Variants in CUL3 observed in about 807,000 individuals in gnomAD.
CUL3 encodes the protein cullin 3, also known as cullin-3.
CUL3 carries 19 observed loss-of-function variants against 89.1 expected under a neutral mutation model. That is an observed-to-expected ratio of 0.21 (90% CI 0.15 to 0.31). The LOEUF (loss-of-function observed/expected upper bound fraction) is 0.31, where lower values mean the gene tolerates loss of function less well. CUL3 is among the 10% of genes least tolerant of loss of function. The pLI, the probability that CUL3 is intolerant of heterozygous loss-of-function variation, is 1.00. For missense variants in CUL3, 469 were observed against 942.3 expected, an observed-to-expected ratio of 0.50 and a Z score of 6.58; for synonymous variants, 351 against 308.4, an observed-to-expected ratio of 1.14 and a Z score of -1.45.
intron 3 of CUL3, among the ~76,000 whole-genome samples, chr2:224,522,723 G>A (rs1361215906): frequency 6.6e-6 from 1 of 152,064 alleles, no homozygotes; most frequent in Non-Finnish European, 1.5e-5. Flanking sequence ...AGCTACTTGG[G>A]AGGCTGAGGC....
chr2:224,473,091 C>T lies in CUL3; in HGVS notation c.*1154G>A, dbSNP rs1402550884. The T allele has an allele frequency of 1.5e-5, 3 of 203,372 alleles. No individual in the cohort carries two copies. The highest frequency in any genetic ancestry group is 3.0e-5 in the Non-Finnish European group (3 of 98,838). 12.6% of individuals were successfully genotyped at this position (203,372 alleles called of 1,614,324 possible). ...TGTTTGAAAACGTGAAACGATGACTCTTTGGAGGACAATAGCTAAATATCC... is the reference window on the plus strand; with the variant it reads ...TGTTTGAAAACGTGAAACGATGACTTTTTGGAGGACAATAGCTAAATATCC... On this transcript the variant is annotated 3_prime_UTR_variant, in exon 16 of 16. Transcript: ENST00000264414.
intron 6 of CUL3, among the ~76,000 whole-genome samples, chr2:224,507,852 TAA>T (rs1260461799): frequency 2.6e-5 from 4 of 152,186 alleles, no homozygotes; most frequent in African/African-American, 9.6e-5. Flanking sequence ...ATGATAATTT[TAA>T]AAGTTTTACA....
intron 1 of CUL3, among the ~76,000 whole-genome samples, chr2:224,582,484 T>G (rs977319968): frequency 2.0e-5 from 3 of 152,210 alleles, no homozygotes; most frequent in Non-Finnish European, 4.4e-5. Context: ...CCAATGGGAA[T>G]CACTTAGGAA....
At chr2:224,582,610 A>T (rs189021449) in intron 1 of CUL3, among the ~76,000 whole-genome samples, 1 of 152,356 alleles carries the variant, frequency 6.6e-6, no homozygotes, top group East Asian at 1.9e-4. Context: ...AAAAACCTGC[A>T]AAAGTTATAG....
intron 2 of CUL3, among the ~76,000 whole-genome samples, chr2:224,544,624 A>C (rs1379245978): frequency 6.6e-6 from 1 of 151,890 alleles, no homozygotes; most frequent in African/African-American, 2.4e-5. Context: ...TCACTTTATA[A>C]ATTTTGCCAG....
At chr2:224,545,793 GGAA>G (rs1490220799) in intron 2 of CUL3, among the ~76,000 whole-genome samples, 2 of 151,998 alleles carry the variant, frequency 1.3e-5, no homozygotes, top group Non-Finnish European at 2.9e-5. Flanking sequence ...ATAGCACTAC[GGAA>G]AAGTTACAAA....
chr2:224,516,716 G>A (rs575469847), intron 3 of CUL3, among the ~76,000 whole-genome samples: 3 of 151,822 alleles, frequency 2.0e-5, no homozygotes, highest in South Asian at 2.1e-4. Flanking sequence ...GTGTGATCTC[G>A]GCTCACTGCA....
chr2:224,519,097 A>C lies in CUL3; in HGVS notation c.379-4325T>G, dbSNP rs529546346. 1.9e-3 allele frequency among the ~76,000 whole-genome samples: 294 copies of C among 152,266 alleles called. 2 individuals carry two copies. Among genetic ancestry groups the C allele is most frequent in the South Asian group, 5.4e-3 (26 of 4,820 alleles). On this transcript the variant is annotated intron_variant, in intron 3 of 15. Coordinates refer to ENST00000264414, the MANE Select transcript of CUL3 (RefSeq NM_003590.5). ...AAAATCTGACATCTAAAATTCTCCA[A>C]ACTCTGAAACTCTGAGCATCAACAT...
At chr2:224,520,563 T>C (rs1693224637) in intron 3 of CUL3, among the ~76,000 whole-genome samples, 1 of 152,060 alleles carries the variant, frequency 6.6e-6, no homozygotes, top group Non-Finnish European at 1.5e-5. Context: ...GATAAAAAAA[T>C]ACAAAAGCAC....
intron 4 of CUL3, among the ~76,000 whole-genome samples, chr2:224,514,033 C>G (rs1000585291): frequency 2.0e-5 from 3 of 152,120 alleles, no homozygotes; most frequent in Non-Finnish European, 4.4e-5. Flanking sequence ...CAATGCTGAT[C>G]AAGCACCAAA....
chr2:224,474,172 T>C lies in CUL3; in HGVS notation c.*73A>G. On this transcript the variant is annotated 3_prime_UTR_variant, in exon 16 of 16. Coordinates refer to ENST00000264414, the MANE Select transcript of CUL3 (RefSeq NM_003590.5). ...TAGAAGAGATGGTCGTCTTAATATT[T>C]AATGATTTAAAAGAACTTCCCAGTC... The C allele has an allele frequency of 6.9e-7, 1 of 1,452,326 alleles. No individual in the cohort carries two copies. The highest frequency in any genetic ancestry group is 9.4e-7 in the Non-Finnish European group (1 of 1,065,318). 90.0% of individuals were successfully genotyped at this position (1,452,326 alleles called of 1,614,324 possible). A position where few individuals can be genotyped will look rare whatever the true frequency, so the allele number is the denominator to read the frequency against.
chr2:224,483,785 T>C (rs1691617439), intron 13 of CUL3, among the ~76,000 whole-genome samples: 1 of 152,226 alleles, frequency 6.6e-6, no homozygotes, highest in Non-Finnish European at 1.5e-5. Context: ...AGTGGAGATT[T>C]AGACTGGATC....
In CUL3 at chr2:224,472,052, C is replaced by T. The variant is rs73993899; in HGVS notation, c.*2193G>A. ...TTTATGACCTAAAATAATACTTATG[C>T]AGTCAAACATATAAACATTTTGTGT... On this transcript the variant is annotated 3_prime_UTR_variant, in exon 16 of 16. Coordinates refer to ENST00000264414, the MANE Select transcript of CUL3 (RefSeq NM_003590.5). The T allele has an allele frequency of 0.046, 10,566 of 230,458 alleles. 783 individuals carry two copies. Among genetic ancestry groups the T allele is most frequent in the African/African-American group, 0.17 (7,582 of 45,254 alleles). The allele number at this position is 230,458 out of a possible 1,614,324, so 14.3% of individuals were successfully genotyped here.
chr2:224,526,551 A>T lies in CUL3; in HGVS notation c.378+8977T>A, dbSNP rs181301325. 3.7e-3 allele frequency among the ~76,000 whole-genome samples: 523 copies of T among 140,262 alleles called. 5 individuals are homozygous for T. Among genetic ancestry groups the T allele is most frequent in the Middle Eastern group, 7.8e-3 (2 of 256 alleles). The allele number at this position is 140,262 out of a possible 152,430, so 92.0% of individuals were successfully genotyped here. A position where few individuals can be genotyped will look rare whatever the true frequency, so the allele number is the denominator to read the frequency against. ...CAGTGAGCTGAGATTGCACCACTGC[A>T]CTCCAGCCTGGGCGACAGAGGGAGA... On this transcript the variant is annotated intron_variant, in intron 3 of 15. Coordinates refer to ENST00000264414, the MANE Select transcript of CUL3 (RefSeq NM_003590.5).
intron 13 of CUL3, among the ~76,000 whole-genome samples, chr2:224,487,398 C>A (rs1691766485): frequency 7.2e-6 from 1 of 138,792 alleles, no homozygotes; most frequent in Non-Finnish European, 1.5e-5. Context: ...CACACACAGG[C>A]TCAAAATAAA....
chr2:224,578,017 T>C (rs1245363401), intron 1 of CUL3, among the ~76,000 whole-genome samples: 2 of 152,214 alleles, frequency 1.3e-5, no homozygotes, highest in African/African-American at 2.4e-5. Context: ...TAGTATTCAA[T>C]AGAGTTTGCT....
At chr2:224,526,817 CAA>C (rs75099076) in intron 3 of CUL3, among the ~76,000 whole-genome samples, 23 of 74,472 alleles carry the variant, frequency 3.1e-4, no homozygotes, top group Admixed American at 4.3e-4. Context: ...ACTAAGTCTC[CAA>C]AAAAAAAAAA....
At chr2:224,506,742 A>T in intron 7 of CUL3, 116 bp downstream of exon 7, 3 of 827,648 alleles carry the variant, frequency 3.6e-6, no homozygotes, top group Non-Finnish European at 5.4e-6. Context: ...ATATTAATTT[A>T]CTACTGGGAC....
At chr2:224,487,660 G>A (rs991949718) in intron 13 of CUL3, among the ~76,000 whole-genome samples, 2 of 151,976 alleles carry the variant, frequency 1.3e-5, no homozygotes, top group Non-Finnish European at 2.9e-5. Flanking sequence ...AATAGGGGGA[G>A]ACTTTGATAC....
Sources: gnomAD v4.1 joint callset for allele counts (sites outside exome capture counted in the v4.1 genomes callset) on GRCh38, gnomAD v4.1.1 for gene constraint, MANE v1.5 for transcripts, NCBI Gene and HGNC (gene_info 2026-07-23, HGNC 2026-07-21) for gene names.